Variants in NBN observed in about 807,000 individuals in gnomAD.
NBN encodes Nijmegen breakage syndrome 1 (nibrin).
NBN carries 88 observed loss-of-function variants against 90.8 expected under a neutral mutation model. That is an observed-to-expected ratio of 0.97 (90% CI 0.82 to 1.16). The LOEUF (loss-of-function observed/expected upper bound fraction) is 1.16. Ranked by LOEUF, NBN falls within the 50% of genes most tolerant of loss-of-function variation. NBN has a pLI of 0.00. For synonymous variants in NBN, 328 were observed against 295.1 expected (o/e 1.11, Z -1.14); for missense variants, 894 against 869.6 (o/e 1.03, Z -0.35).
chr8:89,963,298 T>A (rs145847093), intron 8 of NBN, among the ~76,000 whole-genome samples: 1 of 152,200 alleles, frequency 6.6e-6, no homozygotes, highest in Non-Finnish European at 1.5e-5. Flanking sequence ...TGCCATTCAA[T>A]GGACTACAGT....
At position 89,977,893 on chromosome 8, in the gene NBN, C is replaced by T. The variant is rs1805834; in HGVS notation, c.584+327G>A. On this transcript the variant is annotated intron_variant, in intron 5 of 15. Coordinates refer to ENST00000265433, the MANE Select transcript of NBN (RefSeq NM_002485.5). The stretch of plus-strand genomic sequence containing the variant: ...AGAGGGCTGCTGCACCACACAATTC[C>T]AGAGCTAACTGTGGCGTGATGCCTG... Among the ~76,000 whole-genome samples the T allele has an allele frequency of 0.042, 6,342 of 152,314 alleles. 183 individuals carry two copies. Among genetic ancestry groups the T allele is most frequent in the South Asian group, 0.097 (470 of 4,828 alleles).
intron 2 of NBN, among the ~76,000 whole-genome samples, chr8:89,982,156 C>T (rs1812101381): frequency 6.6e-6 from 1 of 152,084 alleles, no homozygotes; most frequent in South Asian, 2.1e-4. Flanking sequence ...ACTTTTATCA[C>T]CCAAGGTTAT....
In NBN at chr8:89,984,606, C is replaced by A; in HGVS notation, c.-45G>T. The A allele has an allele frequency of 3.1e-6, 5 of 1,609,522 alleles. No homozygotes were observed. Among genetic ancestry groups the A allele is most frequent in the Non-Finnish European group, 4.2e-6 (5 of 1,178,350 alleles). On this transcript the variant is annotated 5_prime_UTR_variant, in exon 1 of 16. Coordinates refer to ENST00000265433, the MANE Select transcript of NBN (RefSeq NM_002485.5). ...TGGGGCCGACGTGCAACCGCGTAAC[C>A]GGGGCTGCTAGACGAGCGCGGATAC... is the stretch of plus-strand genomic sequence containing the variant.
chr8:89,937,059 G>T lies in NBN; in HGVS notation c.2201C>A (p.Ala734Glu). ...RQEMEVQNQH[A>E]KEESLADDLF... ...ATCATCAGCAAGAGACTCTTCTTTTGCATGTTGATTTTGTACCTGTCAAAA... is the reference window on the plus strand; with the variant it reads ...ATCATCAGCAAGAGACTCTTCTTTTTCATGTTGATTTTGTACCTGTCAAAA... The change falls in exon 15 of 16, where the codon GCA becomes GAA. Residue 734 changes from alanine (A) to glutamate (E), a missense_variant. By Grantham distance (107) the Ala-to-Glu change is moderately radical. Coordinates refer to ENST00000265433, the MANE Select transcript of NBN (RefSeq NM_002485.5). The T allele has an allele frequency of 6.2e-7, 1 of 1,612,512 alleles. No individual in the cohort carries two copies. Among genetic ancestry groups the T allele is most frequent in the South Asian group, 1.1e-5 (1 of 90,978 alleles).
intron 2 of NBN, chr8:89,981,739 G>C: frequency 1.7e-6 from 1 of 572,878 alleles, no homozygotes; most frequent in Non-Finnish European, 3.0e-6. Flanking sequence ...ACCCCTCCTA[G>C]AACACACATG....
At chr8:89,937,649 T>C (rs1384459997) in intron 14 of NBN, among the ~76,000 whole-genome samples, 1 of 152,196 alleles carries the variant, frequency 6.6e-6, no homozygotes, top group Non-Finnish European at 1.5e-5. Context: ...CCTTATCATA[T>C]GCAATTTGAA....
chr8:89,950,315 C>T (rs1452874613), intron 11 of NBN, among the ~76,000 whole-genome samples: 4 of 152,216 alleles, frequency 2.6e-5, no homozygotes, highest in African/African-American at 7.2e-5. Context: ...AACCTAGGCA[C>T]ATCCTCTCAT....
At chr8:89,952,832 G>A (rs1810502926) in intron 11 of NBN, among the ~76,000 whole-genome samples, 1 of 152,084 alleles carries the variant, frequency 6.6e-6, no homozygotes, top group Non-Finnish European at 1.5e-5. Context: ...AAATAGACAA[G>A]GACATTACAA....
intron 8 of NBN, among the ~76,000 whole-genome samples, chr8:89,961,763 A>G (rs1199502079): frequency 2.0e-5 from 3 of 152,236 alleles, no homozygotes; most frequent in Admixed American, 2.0e-4. Flanking sequence ...TCTGTGGATA[A>G]TAAGAGCTAG....
intron 2 of NBN, chr8:89,982,446 G>C: frequency 2.1e-6 from 1 of 468,208 alleles, no homozygotes; most frequent in Non-Finnish European, 3.8e-6. Context: ...TAAATGTTTA[G>C]TAAGCAAATA....
At chr8:89,936,020 G>A in intron 15 of NBN, 1 of 353,772 alleles carries the variant, frequency 2.8e-6, no homozygotes, top group South Asian at 2.2e-5. Flanking sequence ...TCCTACAGCA[G>A]TTAAACAAAT....
intron 5 of NBN, among the ~76,000 whole-genome samples, chr8:89,977,233 C>T (rs1244423342): frequency 6.6e-6 from 1 of 152,010 alleles, no homozygotes; most frequent in Admixed American, 6.5e-5. Flanking sequence ...CCCCCACCCC[C>T]AAACAGGCCC....
intron 2 of NBN, chr8:89,981,738 A>G (rs1812080010): frequency 3.5e-6 from 2 of 577,676 alleles, no homozygotes; most frequent in Non-Finnish European, 6.0e-6. Context: ...TACCCCTCCT[A>G]GAACACACAT....
At chr8:89,954,669 T>C (rs1203919367) in intron 10 of NBN, among the ~76,000 whole-genome samples, 1 of 152,020 alleles carries the variant, frequency 6.6e-6, no homozygotes, top group African/African-American at 2.4e-5. Context: ...ATATGTTGAT[T>C]GTCAGTAATA....
intron 14 of NBN, chr8:89,937,328 T>C (rs1809739197): frequency 4.1e-6 from 2 of 485,212 alleles, no homozygotes; most frequent in African/African-American, 1.9e-5. Flanking sequence ...CAATAGTATA[T>C]TGCTAGCTTG....
intron 5 of NBN, among the ~76,000 whole-genome samples, chr8:89,975,430 T>C (rs896765211): frequency 1.3e-5 from 2 of 152,252 alleles, no homozygotes; most frequent in African/African-American, 4.8e-5. Context: ...TTTCTGTTAA[T>C]TGAGTACTCA....
In NBN at chr8:89,979,134, T is replaced by C. The variant is rs184368823; in HGVS notation, c.481-811A>G. Among the ~76,000 whole-genome samples, 12 of 151,982 alleles carry C rather than the reference T, an allele frequency of 7.9e-5. No individual in the cohort carries two copies. In the East Asian group the frequency reaches 1.7e-3, roughly 22 times the overall value. ...CTGGGACTACAGGCACATGCCACCA[T>C]ACCCAGCTAATTTTTAAAATTTTTT... On this transcript the variant is annotated intron_variant, in intron 4 of 15. Coordinates refer to ENST00000265433, the MANE Select transcript of NBN (RefSeq NM_002485.5).
Position 89,943,353 on chromosome 8 carries a change from C to T in NBN, c.2084G>A (p.Gly695Glu), listed in dbSNP as rs1554555834. The T allele has an allele frequency of 1.2e-6, 2 of 1,603,720 alleles. No homozygotes were observed. Among genetic ancestry groups the T allele is most frequent in the South Asian group, 2.2e-5 (2 of 90,856 alleles). Residue 695 changes from glycine (G) to glutamate (E), a missense_variant, in exon 14 of 16, where the codon GGA (glycine) becomes GAA (glutamate). Physicochemically the swap from Gly to Glu is moderately conservative, Grantham distance 98. Transcript: ENST00000265433. ...FKKFKKVTYP[G>E]AGKLPHIIGG... is the part of the protein sequence containing the mutation. ...AATGATGTGTGGAAGTTTTCCTGCTCCAGGATATGTGACCTATTGAATAAT... is the reference window on the plus strand; with the variant it reads ...AATGATGTGTGGAAGTTTTCCTGCTTCAGGATATGTGACCTATTGAATAAT...
chr8:89,984,045 T>C (rs1218679328), intron 1 of NBN, among the ~76,000 whole-genome samples: 1 of 152,246 alleles, frequency 6.6e-6, no homozygotes, highest in Non-Finnish European at 1.5e-5. Context: ...TCTGATGACA[T>C]TGTGGAAAAG....
Sources: gnomAD v4.1 joint callset for allele counts (sites outside exome capture counted in the v4.1 genomes callset) on GRCh38, gnomAD v4.1.1 for gene constraint, MANE v1.5 for transcripts, NCBI Gene and HGNC (gene_info 2026-07-23, HGNC 2026-07-21) for gene names.